Variants in ERP27 observed in about 807,000 individuals in gnomAD.
The protein encoded by ERP27 is endoplasmic reticulum protein 27.
In ERP27, 23 loss-of-function variants were observed where a neutral mutation model predicts 27.7. The ratio of observed to expected loss-of-function variants is 0.83; its 90% confidence interval spans 0.60 to 1.18. The LOEUF (loss-of-function observed/expected upper bound fraction) is 1.18. Among genes scored for constraint, ERP27 ranks in the 50% most tolerant of loss-of-function variants. ERP27 has a pLI of 0.00. For synonymous variants in ERP27, 159 were observed against 118.3 expected, an observed-to-expected ratio of 1.34 and a Z score of -2.23; for missense variants, 363 against 327.9, an observed-to-expected ratio of 1.11 and a Z score of -0.83.
At chr12:14,920,185 G>A (rs1863479136) in intron 4 of ERP27, among the ~76,000 whole-genome samples, 1 of 152,226 alleles carries the variant, frequency 6.6e-6, no homozygotes. Context: ...TATAGAAAGT[G>A]TTAGAAGTCC....
At chr12:14,929,187 ACAGG>A (rs1565452651) in intron 3 of ERP27, 1 of 1,315,324 alleles carries the variant, frequency 7.6e-7, no homozygotes, top group East Asian at 2.6e-5. Flanking sequence ...ACTTCCCAGA[ACAGG>A]GAGAACAAGA....
At chr12:14,924,178 C>T (rs1863559284) in intron 3 of ERP27, among the ~76,000 whole-genome samples, 4 of 152,192 alleles carry the variant, frequency 2.6e-5, no homozygotes, top group Admixed American at 6.5e-5. Flanking sequence ...TCCTCTGGGT[C>T]TATCTGTGCT....
At chr12:14,927,713 C>G (rs1255054103) in intron 3 of ERP27, among the ~76,000 whole-genome samples, 1 of 72,530 alleles carries the variant, frequency 1.4e-5, no homozygotes, top group South Asian at 4.3e-4. Context: ...TAGATATTTT[C>G]CCTCTTTTAC....
chr12:14,922,811 C>A (rs1016752947), intron 3 of ERP27, among the ~76,000 whole-genome samples: 4 of 152,160 alleles, frequency 2.6e-5, no homozygotes, highest in African/African-American at 9.7e-5. Flanking sequence ...TGCGGTGGCT[C>A]ACGCCTGTAA....
At chr12:14,927,452 T>G (rs997748932) in intron 3 of ERP27, among the ~76,000 whole-genome samples, 2 of 151,672 alleles carry the variant, frequency 1.3e-5, no homozygotes, top group African/African-American at 4.8e-5. Flanking sequence ...TATGATTCAT[T>G]CCTGTTTTTA....
Position 14,937,983 on chromosome 12 carries a change from G to T in ERP27, c.164C>A (p.Ala55Asp). 6.2e-7 allele frequency: 1 copy of T among 1,614,056 alleles called. No individual in the cohort carries two copies. The highest frequency in any genetic ancestry group is 8.5e-7 in the Non-Finnish European group (1 of 1,179,970). ...DVPAAMEFIA[A>D]TEVAVIGFFQ... The stretch of plus-strand genomic sequence containing the variant: ...GAAGCCTATGACAGCCACCTCAGTG[G>T]CAGCAATGAATTCCATGGCAGCTGG... The change falls in exon 2 of 7, where the codon GCC (alanine) becomes GAC (aspartate). Residue 55 changes from alanine (A) to aspartate (D), a missense_variant. Transcript: ENST00000266397.
intron 3 of ERP27, among the ~76,000 whole-genome samples, chr12:14,930,100 T>G (rs1037306367): frequency 1.3e-5 from 2 of 151,960 alleles, no homozygotes; most frequent in Non-Finnish European, 2.9e-5. Context: ...GGTAGATAGG[T>G]GCAGCAAACC....
At chr12:14,921,938 G>A (rs1863510566) in intron 3 of ERP27, among the ~76,000 whole-genome samples, 1 of 151,864 alleles carries the variant, frequency 6.6e-6, no homozygotes, top group African/African-American at 2.4e-5. Context: ...AAACTTCTTT[G>A]GCTTAACATT....
chr12:14,918,271 T>C (rs1863445116), intron 4 of ERP27, among the ~76,000 whole-genome samples: 1 of 152,230 alleles, frequency 6.6e-6, no homozygotes, highest in South Asian at 2.1e-4. Flanking sequence ...GACTGCCTCA[T>C]GCACAGTGGA....
chr12:14,914,779 C>A lies in ERP27; in HGVS notation c.778G>T (p.Glu260Ter). The change falls in exon 7 of 7, where the codon GAA becomes TAA. Residue 260 changes from glutamate (E) to a stop codon, truncating the protein, a stop_gained. Transcript: ENST00000266397. LOFTEE classifies it high-confidence loss of function. ...GTCTTTCCTTCTGATTCACGATTTT[C>A]TTTCTGGAAAACATTATAACAATGA... ...DGFLSGKLLK[E>*]NRESEGKTPK... The A allele has an allele frequency of 6.2e-7, 1 of 1,613,440 alleles. No homozygotes were observed. The highest frequency in any genetic ancestry group is 8.5e-7 in the Non-Finnish European group (1 of 1,179,492).
At chr12:14,924,246 T>G (rs1225279036) in intron 3 of ERP27, among the ~76,000 whole-genome samples, 1 of 152,214 alleles carries the variant, frequency 6.6e-6, no homozygotes, top group Non-Finnish European at 1.5e-5. Flanking sequence ...ATTGTATATA[T>G]GTACTGCAAT....
At chr12:14,929,629 G>T (rs1437779916) in intron 3 of ERP27, among the ~76,000 whole-genome samples, 1 of 152,034 alleles carries the variant, frequency 6.6e-6, no homozygotes, top group Non-Finnish European at 1.5e-5. Flanking sequence ...ATAGTAAACT[G>T]GAAATATTGC....
chr12:14,938,393 C>T, intron 1 of ERP27, 22 bp downstream of exon 1: 1 of 1,612,148 alleles, frequency 6.2e-7, no homozygotes, highest in South Asian at 1.1e-5. Flanking sequence ...ACTATAGCCA[C>T]CCAACTACAT....
chr12:14,921,129 C>T, intron 3 of ERP27, 81 bp from the exon 4 acceptor site: 1 of 1,156,456 alleles, frequency 8.6e-7, no homozygotes. Flanking sequence ...CCCCATGTGA[C>T]AGGCACTGAT....
intron 3 of ERP27, among the ~76,000 whole-genome samples, chr12:14,925,138 T>G (rs568975182): frequency 6.6e-6 from 1 of 152,344 alleles, no homozygotes; most frequent in South Asian, 2.1e-4. Context: ...TTAATAAACT[T>G]GCTTTCACTT....
At chr12:14,928,997 C>T in intron 3 of ERP27, 1 of 1,535,300 alleles carries the variant, frequency 6.5e-7, no homozygotes. Flanking sequence ...GCTATTGCAA[C>T]CACCAAAATC....
At chr12:14,937,926 G>A (rs755966639) in intron 2 of ERP27, 26 bp downstream of exon 2, 1 of 1,594,314 alleles carries the variant, frequency 6.3e-7, no homozygotes, top group Non-Finnish European at 8.6e-7. Context: ...TCTGGCTCTT[G>A]GGGGAATTGC....
chr12:14,914,875 A>G lies in ERP27; in HGVS notation c.775-93T>C, dbSNP rs552305847. 34 of 974,716 alleles carry G rather than the reference A, an allele frequency of 3.5e-5. No homozygotes were observed. In the African/African-American group the frequency reaches 5.1e-4, roughly 15 times the overall value. The allele number at this position is 974,716 out of a possible 1,614,324, so 60.4% of individuals were successfully genotyped here. On this transcript the variant is annotated intron_variant, in intron 6 of 6. Transcript: ENST00000266397. ...TCCTTCTTTAATTTTTATCTCATGAACCCTGTTATATGAAGTTTGATTTGT... is the reference window on the plus strand; with the variant it reads ...TCCTTCTTTAATTTTTATCTCATGAGCCCTGTTATATGAAGTTTGATTTGT...
chr12:14,914,617 C>CGT lies in ERP27; in HGVS notation c.*116_*117dup, dbSNP rs1555097477. ...ACGCGTGCGTGCGTGTGTGCACGTG[C>CGT]GTGTGTGTGTGGTTGGCAGGCCTAG... On this transcript the variant is annotated 3_prime_UTR_variant, in exon 7 of 7. Coordinates refer to ENST00000266397, the MANE Select transcript of ERP27 (RefSeq NM_152321.4). The CGT allele has an allele frequency of 5.5e-4, 432 of 780,124 alleles. No individual in the cohort carries two copies. The highest frequency in any genetic ancestry group is 1.1e-3 in the East Asian group (43 of 38,206). 48.3% of individuals were successfully genotyped at this position (780,124 alleles called of 1,614,324 possible).
Sources: gnomAD v4.1 joint callset for allele counts (sites outside exome capture counted in the v4.1 genomes callset) on GRCh38, gnomAD v4.1.1 for gene constraint, MANE v1.5 for transcripts, NCBI Gene and HGNC (gene_info 2026-07-23, HGNC 2026-07-21) for gene names.